Variants in NCOA1 observed in about 807,000 individuals in gnomAD.
NCOA1 encodes the protein Hin-2 protein.
Under a neutral mutation model 150.9 loss-of-function variants are expected in NCOA1, and 35 were observed. The ratio of observed to expected loss-of-function variants is 0.23; its 90% confidence interval spans 0.18 to 0.31. The LOEUF (loss-of-function observed/expected upper bound fraction) is 0.31. NCOA1 is among the 10% of genes least tolerant of loss of function. NCOA1 has a pLI of 1.00. For missense variants in NCOA1, 1,491 were observed against 1,749.3 expected (o/e 0.85, Z 2.63); for synonymous variants, 590 against 630.0 (o/e 0.94, Z 0.95).
intron 1 of NCOA1, among the ~76,000 whole-genome samples, chr2:24,528,345 T>A (rs546605084): frequency 0.019 from 545 of 29,414 alleles, 3 homozygotes; most frequent in African/African-American, 0.04. Context: ...AATTTCATTC[T>A]TTTTTTTTTT....
chr2:24,699,696 C>CT (rs1673063119), intron 11 of NCOA1, among the ~76,000 whole-genome samples: 1 of 152,120 alleles, frequency 6.6e-6, no homozygotes, highest in African/African-American at 2.4e-5. Context: ...TGAGCACAGC[C>CT]TTTTTTGATA....
rs540170102 is a variant in NCOA1 at position 24,514,631 on chromosome 2, C to T, written c.-396+23029C>T. Among the ~76,000 whole-genome samples, 326 of 152,042 alleles carry T rather than the reference C, an allele frequency of 2.1e-3. 1 individual carries two copies. Among genetic ancestry groups the T allele is most frequent in the African/African-American group, 7.4e-3 (308 of 41,472 alleles). On this transcript the variant is annotated intron_variant, in intron 1 of 22. Transcript: ENST00000348332. ...CAGCCTGGGCAACATGGGGAAACTC[C>T]ATATCTACAAAAATACGAAAACTAG...
chr2:24,495,093 T>G (rs1489415277), intron 1 of NCOA1, among the ~76,000 whole-genome samples: 1 of 122,472 alleles, frequency 8.2e-6, no homozygotes, highest in East Asian at 2.4e-4. Flanking sequence ...GATGAAGGTG[T>G]TTTTTTTTTG....
chr2:24,649,983 A>C (rs1192052794), intron 4 of NCOA1, among the ~76,000 whole-genome samples: 1 of 152,196 alleles, frequency 6.6e-6, no homozygotes, highest in Non-Finnish European at 1.5e-5. Context: ...TACAAAAAGC[A>C]CTATAAGAAA....
Position 24,583,588 on chromosome 2 carries a change from A to G in NCOA1, c.-259-888A>G, listed in dbSNP as rs145873432. ...ATAACAGTATGTCGAAGAGATATCT[A>G]TATTCCCATATTTATTGCAGCATAT... On this transcript the variant is annotated intron_variant, in intron 2 of 22. Coordinates refer to ENST00000348332, the MANE Select transcript of NCOA1 (RefSeq NM_003743.5). Among the ~76,000 whole-genome samples the G allele has an allele frequency of 1.9e-3, 288 of 152,328 alleles. 1 individual carries two copies. Among genetic ancestry groups the G allele is most frequent in the African/African-American group, 5.6e-3 (231 of 41,588 alleles).
At chr2:24,636,919 TA>T (rs56401427) in intron 3 of NCOA1, among the ~76,000 whole-genome samples, 6,410 of 152,128 alleles carry the variant, frequency 0.042, 208 homozygotes, top group African/African-American at 0.092. Flanking sequence ...TTTTTTATGT[TA>T]ATTTTTAAAT....
intron 2 of NCOA1, among the ~76,000 whole-genome samples, chr2:24,565,949 G>C (rs1291790841): frequency 1.3e-5 from 2 of 152,198 alleles, no homozygotes; most frequent in Non-Finnish European, 2.9e-5. Flanking sequence ...TCCAAAGAGG[G>C]TGTCACTGCC....
Position 24,512,879 on chromosome 2 carries a change from T to G in NCOA1, c.-396+21277T>G, listed in dbSNP as rs192982505. ...AACCTTAGCCAAAACACCGTTTCTTTGATCTCAACTCGCTTTTCTGTTGAA... is the reference window on the plus strand; with the variant it reads ...AACCTTAGCCAAAACACCGTTTCTTGGATCTCAACTCGCTTTTCTGTTGAA... On this transcript the variant is annotated intron_variant, in intron 1 of 22. Transcript: ENST00000348332. Among the ~76,000 whole-genome samples, 7 of 152,366 alleles carry G rather than the reference T, an allele frequency of 4.6e-5. No homozygotes were observed. The East Asian group carries it at 1.3e-3, about 29-fold the overall frequency.
intron 1 of NCOA1, among the ~76,000 whole-genome samples, chr2:24,492,965 C>CAAAAAAAAAA (rs10630950): frequency 3.4e-5 from 5 of 145,194 alleles, no homozygotes; most frequent in East Asian, 2.0e-4. Flanking sequence ...AGGCTAGTCT[C>CAAAAAAAAAA]AAAAAAAAAG....
At chr2:24,586,275 C>CAAAA (rs34590281) in intron 3 of NCOA1, among the ~76,000 whole-genome samples, 3 of 66,166 alleles carry the variant, frequency 4.5e-5, no homozygotes, top group African/African-American at 2.1e-4. Flanking sequence ...GACTCGGTCT[C>CAAAA]AAAAAAAAAA....
intron 22 of NCOA1, among the ~76,000 whole-genome samples, chr2:24,767,112 T>G (rs982817572): frequency 2.0e-5 from 3 of 152,176 alleles, no homozygotes; most frequent in African/African-American, 7.2e-5. Context: ...GTGTCCAAAT[T>G]TGATGCATAC....
intron 1 of NCOA1, among the ~76,000 whole-genome samples, chr2:24,516,934 ATATATATACGTATATATACAAG>A (rs1276304382): frequency 8.1e-5 from 4 of 49,420 alleles, no homozygotes; most frequent in African/African-American, 1.7e-4. Flanking sequence ...GCGCGTGTGT[ATATATATACGTATATATACAAG>A]TATATATACG....
intron 1 of NCOA1, among the ~76,000 whole-genome samples, chr2:24,546,134 A>G (rs1445399506): frequency 6.6e-6 from 1 of 152,072 alleles, no homozygotes; most frequent in East Asian, 1.9e-4. Flanking sequence ...TTTAGTGTCT[A>G]TCAAAAGTTC....
chr2:24,657,345 CTG>C, intron 4 of NCOA1, among the ~76,000 whole-genome samples: 1 of 152,210 alleles, frequency 6.6e-6, no homozygotes, highest in Non-Finnish European at 1.5e-5. Flanking sequence ...AGGATTATAA[CTG>C]TATCTGGGAA....
chr2:24,529,161 C>T (rs1245281041), intron 1 of NCOA1, among the ~76,000 whole-genome samples: 5 of 152,246 alleles, frequency 3.3e-5, no homozygotes, highest in Admixed American at 6.5e-5. Flanking sequence ...GTTGGGATTA[C>T]AGGCATGAGC....
At chr2:24,685,250 A>G (rs1278513734) in intron 8 of NCOA1, among the ~76,000 whole-genome samples, 3 of 152,184 alleles carry the variant, frequency 2.0e-5, no homozygotes, top group Non-Finnish European at 4.4e-5. Context: ...ACAGATTTAG[A>G]AGATTTCAGT....
At chr2:24,538,141 G>A (rs1188790832) in intron 1 of NCOA1, among the ~76,000 whole-genome samples, 2 of 152,156 alleles carry the variant, frequency 1.3e-5, no homozygotes. Flanking sequence ...AATAGCAAGT[G>A]TTATATATGT....
At chr2:24,591,463 A>G (rs917026658) in intron 3 of NCOA1, among the ~76,000 whole-genome samples, 1 of 152,186 alleles carries the variant, frequency 6.6e-6, no homozygotes, top group African/African-American at 2.4e-5. Context: ...AAAGTGTAGT[A>G]ACTCTTAGCA....
At chr2:24,718,669 TA>T (rs537982492) in intron 14 of NCOA1, among the ~76,000 whole-genome samples, 5 of 127,288 alleles carry the variant, frequency 3.9e-5, no homozygotes, top group Admixed American at 8.1e-5. Context: ...CCATCTCTAC[TA>T]AAAAAAAATA....
Sources: allele counts gnomAD v4.1 joint callset (sites outside exome capture counted in the v4.1 genomes callset), GRCh38; gene constraint gnomAD v4.1.1; transcripts MANE v1.5; gene names NCBI Gene and HGNC (gene_info 2026-07-23, HGNC 2026-07-21).